The following BICC1 variants were observed in gnomAD, a reference collection of about 807,000 sequenced individuals.
BICC1 encodes the protein BicC family RNA binding protein 1, also known as protein bicaudal C homolog 1.
A neutral mutation model predicts 111.0 loss-of-function variants in BICC1; 43 were observed. That is an observed-to-expected ratio of 0.39 (90% CI 0.30 to 0.50). The LOEUF (loss-of-function observed/expected upper bound fraction) is 0.50, where lower values mean the gene tolerates loss of function less well. Ranked by LOEUF, BICC1 falls within the 20% of genes least tolerant of loss-of-function variation. BICC1 has a pLI of 0.88. For synonymous variants in BICC1, 467 were observed against 434.4 expected, an observed-to-expected ratio of 1.07 and a Z score of -0.93; for missense variants, 1,091 against 1,203.2, an observed-to-expected ratio of 0.91 and a Z score of 1.38.
At chr10:58,709,802 C>T (rs1240954940) in intron 3 of BICC1, among the ~76,000 whole-genome samples, 3 of 152,088 alleles carry the variant, frequency 2.0e-5, no homozygotes, top group Non-Finnish European at 4.4e-5. Flanking sequence ...CTGAATAGTC[C>T]TAATGATGAC....
At chr10:58,685,555 A>G (rs751806289) in intron 2 of BICC1, among the ~76,000 whole-genome samples, 13 of 152,170 alleles carry the variant, frequency 8.5e-5, no homozygotes, top group Non-Finnish European at 1.6e-4. Flanking sequence ...GTGCTCCTGT[A>G]TTGGGTGCAT....
intron 2 of BICC1, among the ~76,000 whole-genome samples, chr10:58,651,608 G>C (rs1350557582): frequency 1.3e-5 from 2 of 152,060 alleles, no homozygotes; most frequent in Non-Finnish European, 2.9e-5. Context: ...TTTTCCTTAT[G>C]AGATTCTCTC....
At chr10:58,562,225 C>T (rs1843624748) in intron 1 of BICC1, among the ~76,000 whole-genome samples, 3 of 152,076 alleles carry the variant, frequency 2.0e-5, no homozygotes, top group African/African-American at 7.2e-5. Context: ...TGTTGAATTC[C>T]TATAATGCGA....
chr10:58,789,725 C>G lies in BICC1; in HGVS notation c.839C>G (p.Ala280Gly). The change falls in exon 8 of 21, where the codon GCA becomes GGA. Residue 280 changes from alanine to glycine, a missense_variant. By Grantham distance (60) the Ala-to-Gly change is moderately conservative. Transcript: ENST00000373886. Reference sequence around the variant, plus strand: ...TTAGAACATCTTGCTGGGAGCTTAGCATCAGCTATTCCTGTGAGCACACAA... The same window carrying G: ...TTAGAACATCTTGCTGGGAGCTTAGGATCAGCTATTCCTGTGAGCACACAA... ...MLLEHLAGSL[A>G]SAIPVSTQLD... 6.2e-7 allele frequency: 1 copy of G among 1,614,142 alleles called. No homozygotes were observed. Among genetic ancestry groups the G allele is most frequent in the Middle Eastern group, 1.7e-4 (1 of 6,060 alleles).
chr10:58,699,864 G>T (rs1840177801), intron 2 of BICC1, among the ~76,000 whole-genome samples: 1 of 151,990 alleles, frequency 6.6e-6, no homozygotes, highest in Non-Finnish European at 1.5e-5. Flanking sequence ...GCTAATTTTT[G>T]TATTTTTTGT....
At chr10:58,740,362 T>G (rs1564585946) in intron 3 of BICC1, among the ~76,000 whole-genome samples, 1 of 152,228 alleles carries the variant, frequency 6.6e-6, no homozygotes, top group East Asian at 1.9e-4. Context: ...ATCAGAGTCT[T>G]AAGGTTTTGT....
intron 1 of BICC1, among the ~76,000 whole-genome samples, chr10:58,586,465 C>T (rs1299005380): frequency 1.3e-5 from 2 of 150,600 alleles, no homozygotes; most frequent in Non-Finnish European, 3.0e-5. Context: ...AAGATTCATG[C>T]AGAGTACTTC....
intron 9 of BICC1, among the ~76,000 whole-genome samples, chr10:58,794,987 G>GTA (rs1319688928): frequency 3.9e-5 from 6 of 152,214 alleles, no homozygotes; most frequent in African/African-American, 1.4e-4. Context: ...GCATTTTTGT[G>GTA]TATATATATG....
At chr10:58,804,425 G>A (rs916801360) in intron 15 of BICC1, among the ~76,000 whole-genome samples, 1 of 152,110 alleles carries the variant, frequency 6.6e-6, no homozygotes, top group African/African-American at 2.4e-5. Context: ...GGCCGAGGTG[G>A]GAGGATCACC....
chr10:58,679,749 G>A (rs2132354986), intron 2 of BICC1, among the ~76,000 whole-genome samples: 1 of 152,112 alleles, frequency 6.6e-6, no homozygotes, highest in South Asian at 2.1e-4. Flanking sequence ...AAAATTTCAG[G>A]CCGGTACCCC....
chr10:58,792,414 G>T (rs551695525), intron 8 of BICC1, among the ~76,000 whole-genome samples: 1 of 152,236 alleles, frequency 6.6e-6, no homozygotes, highest in South Asian at 2.1e-4. Context: ...CTCAATCCCC[G>T]GGACAAGGAC....
At chr10:58,545,901 G>A (rs1210471763) in intron 1 of BICC1, among the ~76,000 whole-genome samples, 2 of 152,170 alleles carry the variant, frequency 1.3e-5, no homozygotes, top group Non-Finnish European at 2.9e-5. Flanking sequence ...CTATTTTACA[G>A]TGTTGGGTAT....
At chr10:58,632,014 A>C (rs1317516473) in intron 2 of BICC1, among the ~76,000 whole-genome samples, 1 of 152,134 alleles carries the variant, frequency 6.6e-6, no homozygotes, top group Non-Finnish European at 1.5e-5. Flanking sequence ...TCTTGGCTTC[A>C]GTCAGTATGT....
intron 2 of BICC1, among the ~76,000 whole-genome samples, chr10:58,663,509 C>T (rs971882276): frequency 6.6e-6 from 1 of 152,188 alleles, no homozygotes; most frequent in Non-Finnish European, 1.5e-5. Context: ...TGGTATCGGC[C>T]TGTTAGGAAT....
intron 1 of BICC1, among the ~76,000 whole-genome samples, chr10:58,526,296 GT>G (rs2131840335): frequency 6.6e-6 from 1 of 152,046 alleles, no homozygotes; most frequent in South Asian, 2.1e-4. Flanking sequence ...AATTAGGGTT[GT>G]TGTAAGGTCT....
chr10:58,531,271 G>T (rs921873743), intron 1 of BICC1, among the ~76,000 whole-genome samples: 1 of 151,802 alleles, frequency 6.6e-6, no homozygotes, highest in Non-Finnish European at 1.5e-5. Flanking sequence ...CAAAATACCC[G>T]TAGTACTGCA....
intron 3 of BICC1, among the ~76,000 whole-genome samples, chr10:58,764,442 G>C (rs1474482744): frequency 6.6e-6 from 1 of 152,060 alleles, no homozygotes; most frequent in Non-Finnish European, 1.5e-5. Context: ...GAAAGGACCT[G>C]GAATTCACTT....
chr10:58,715,724 T>C, intron 3 of BICC1: 2 of 1,565,982 alleles, frequency 1.3e-6, no homozygotes, highest in Non-Finnish European at 1.8e-6. Context: ...GTTCCAAGGC[T>C]TTGGCTGAAT....
chr10:58,814,464 G>A lies in BICC1; in HGVS notation c.2533+478G>A, dbSNP rs139459710. 1,811 of 257,958 alleles carry A rather than the reference G, an allele frequency of 7.0e-3. 10 individuals carry two copies. Among genetic ancestry groups the A allele is most frequent in the Middle Eastern group, 9.2e-3 (7 of 764 alleles). 16.0% of individuals were successfully genotyped at this position (257,958 alleles called of 1,614,324 possible). ...TAATGTACACACATGCATCCAGGTGGTGACAAAAAGACAAGGACATAAGAA... is the reference window on the plus strand; with the variant it reads ...TAATGTACACACATGCATCCAGGTGATGACAAAAAGACAAGGACATAAGAA... On this transcript the variant is annotated intron_variant, in intron 18 of 20. Transcript: ENST00000373886.
Sources: allele counts gnomAD v4.1 joint callset (sites outside exome capture counted in the v4.1 genomes callset), GRCh38; gene constraint gnomAD v4.1.1; transcripts MANE v1.5; gene names NCBI Gene and HGNC (gene_info 2026-07-23, HGNC 2026-07-21).